SLC38A9: variants seen among roughly 807,000 people sequenced by gnomAD.
SLC38A9 encodes solute carrier family 38 member 9.
Under a neutral mutation model 62.3 loss-of-function variants are expected in SLC38A9, and 48 were observed. That is an observed-to-expected ratio of 0.77 (90% CI 0.61 to 0.98). SLC38A9 has a LOEUF of 0.98. SLC38A9 is among the 50% of genes least tolerant of loss of function. SLC38A9 has a pLI of 0.00. For synonymous variants in SLC38A9, 204 were observed against 227.7 expected, an observed-to-expected ratio of 0.90 and a Z score of 0.94; for missense variants, 541 against 679.8, an observed-to-expected ratio of 0.80 and a Z score of 2.27.
intron 3 of SLC38A9, among the ~76,000 whole-genome samples, chr5:55,676,927 T>C (rs1752184934): frequency 1.3e-5 from 2 of 152,216 alleles, no homozygotes; most frequent in African/African-American, 4.8e-5. Context: ...GATGGTTTTA[T>C]TGCTGAACAT....
At chr5:55,687,405 C>T (rs904343781) in intron 3 of SLC38A9, among the ~76,000 whole-genome samples, 1 of 106,084 alleles carries the variant, frequency 9.4e-6, no homozygotes, top group African/African-American at 3.8e-5. Context: ...CCCGCCTGGG[C>T]GACAGAACGA....
In SLC38A9 at chr5:55,669,308, G is replaced by A; in HGVS notation, c.446C>T (p.Thr149Ile). 1 of 1,612,066 alleles carries A rather than the reference G, an allele frequency of 6.2e-7. No homozygotes were observed. Among genetic ancestry groups the A allele is most frequent in the Non-Finnish European group, 8.5e-7 (1 of 1,179,186 alleles). The change falls in exon 7 of 16, where the codon ACT (threonine) becomes ATT (isoleucine). Residue 149 changes from threonine (T) to isoleucine (I), a missense_variant. Physicochemically the swap from Thr to Ile is moderately conservative, Grantham distance 89. Transcript: ENST00000396865. ...CATCAGTATGATGACACACATTCCA[G>A]TAGTAAATCCAGCCTGTTTAAAAAT... ...PWGIKQAGFT[T>I]GMCVIILMGL... is the part of the protein sequence containing the mutation.
At chr5:55,666,375 A>G (rs1365424866) in intron 7 of SLC38A9, among the ~76,000 whole-genome samples, 1 of 152,226 alleles carries the variant, frequency 6.6e-6, no homozygotes, top group African/African-American at 2.4e-5. Flanking sequence ...ATTGTCATCA[A>G]AGGATAATTT....
intron 2 of SLC38A9, among the ~76,000 whole-genome samples, chr5:55,698,850 T>C (rs1450424458): frequency 6.6e-6 from 1 of 151,890 alleles, no homozygotes; most frequent in African/African-American, 2.4e-5. Flanking sequence ...AGCGGGAGGA[T>C]TGCTTAAACC....
chr5:55,656,653 C>T, intron 9 of SLC38A9, 62 bp downstream of exon 9: 1 of 1,144,394 alleles, frequency 8.7e-7, no homozygotes, highest in South Asian at 1.3e-5. Context: ...CATGTTCTAC[C>T]TTAAATCCTT....
chr5:55,678,396 C>T (rs1954261271), intron 3 of SLC38A9, among the ~76,000 whole-genome samples: 1 of 152,130 alleles, frequency 6.6e-6, no homozygotes, highest in African/African-American at 2.4e-5. Context: ...CTTCACCTCC[C>T]AAAGTGCTGG....
At chr5:55,657,998 G>C (rs1050347851) in intron 8 of SLC38A9, 26 of 152,258 alleles carry the variant, frequency 1.7e-4, no homozygotes, top group African/African-American at 6.0e-4. Context: ...TTGACACGAA[G>C]TGTACTGGGT....
Position 55,697,654 on chromosome 5 carries a change from GAAAAA to G in SLC38A9, c.113+187_113+191del, listed in dbSNP as rs3042033. Among the ~76,000 whole-genome samples, 4 of 131,304 alleles carry G rather than the reference GAAAAA, an allele frequency of 3.0e-5. No homozygotes were observed. The South Asian group carries it at 7.1e-4, about 23-fold the overall frequency. 86.1% of individuals were successfully genotyped at this position (131,304 alleles called of 152,430 possible). A position where few individuals can be genotyped will look rare whatever the true frequency, so the allele number is the denominator to read the frequency against. ...CCCCAACAGAGATGTTGAGTTTAGTGAAAAAAAAAAAAAAAAAAAAATATAAACCA... is the reference window on the plus strand; with the variant it reads ...CCCCAACAGAGATGTTGAGTTTAGTGAAAAAAAAAAAAAAAATATAAACCA... On this transcript the variant is annotated intron_variant, in intron 3 of 15. Transcript: ENST00000396865.
At chr5:55,649,400 A>G in intron 10 of SLC38A9, 86 bp from the exon 11 acceptor site, 3 of 795,364 alleles carry the variant, frequency 3.8e-6, no homozygotes, top group Non-Finnish European at 5.7e-6. Flanking sequence ...CCATAGTCTC[A>G]GCAAAGTGTG....
chr5:55,651,988 A>G (rs1302902858), intron 10 of SLC38A9, among the ~76,000 whole-genome samples: 1 of 150,924 alleles, frequency 6.6e-6, no homozygotes, highest in African/African-American at 2.4e-5. Context: ...ACACACAACA[A>G]AACCAAAAAT....
intron 13 of SLC38A9, 155 bp downstream of exon 13, chr5:55,635,389 G>T: frequency 1.5e-6 from 1 of 680,152 alleles, no homozygotes; most frequent in Non-Finnish European, 2.7e-6. Flanking sequence ...GAAAGAAAAG[G>T]GAAGGTGCCT....
chr5:55,663,175 G>A (rs1054491168), intron 8 of SLC38A9, among the ~76,000 whole-genome samples: 1 of 151,500 alleles, frequency 6.6e-6, no homozygotes, highest in South Asian at 2.1e-4. Flanking sequence ...GATTACAGGC[G>A]TGGGCCACCG....
intron 2 of SLC38A9, among the ~76,000 whole-genome samples, chr5:55,703,701 A>T (rs974269256): frequency 4.6e-5 from 7 of 152,214 alleles, no homozygotes; most frequent in African/African-American, 1.7e-4. Flanking sequence ...TAAAACTAAA[A>T]GGCAGAATTT....
chr5:55,674,727 T>C (rs953607933), intron 3 of SLC38A9, among the ~76,000 whole-genome samples: 3 of 152,176 alleles, frequency 2.0e-5, no homozygotes, highest in Admixed American at 6.5e-5. Context: ...AATTAAGTGG[T>C]GTCAATATAT....
At chr5:55,654,609 T>TA (rs756041927) in intron 9 of SLC38A9, among the ~76,000 whole-genome samples, 3,661 of 128,960 alleles carry the variant, frequency 0.028, 45 homozygotes, top group African/African-American at 0.038. Context: ...TTGTCTCAAA[T>TA]AAAAAAAAAA....
At chr5:55,678,229 C>T (rs1406233934) in intron 3 of SLC38A9, among the ~76,000 whole-genome samples, 12 of 150,908 alleles carry the variant, frequency 8.0e-5, no homozygotes, top group African/African-American at 1.9e-4. Flanking sequence ...CCTCCACCTC[C>T]CGGGTTCAAG....
At chr5:55,667,087 CG>C (rs1360974819) in intron 7 of SLC38A9, among the ~76,000 whole-genome samples, 1 of 152,034 alleles carries the variant, frequency 6.6e-6, no homozygotes, top group Non-Finnish European at 1.5e-5. Flanking sequence ...TCCAGCTACT[CG>C]GGAGGCTGAG....
intron 15 of SLC38A9, 148 bp downstream of exon 15, chr5:55,627,743 T>G: frequency 1.9e-6 from 1 of 528,228 alleles, no homozygotes. Flanking sequence ...GCATCTTAAC[T>G]GATACCAAGG....
At position 55,652,374 on chromosome 5, in the gene SLC38A9, A is replaced by AAAAG. The variant is rs1239083234; in HGVS notation, c.952+151_952+154dup. Among the ~76,000 whole-genome samples, 167 of 150,488 alleles carry AAAAG rather than the reference A, an allele frequency of 1.1e-3. 1 individual carries two copies. The highest frequency in any genetic ancestry group is 3.9e-3 in the African/African-American group (161 of 41,058). On this transcript the variant is annotated intron_variant, in intron 10 of 15. Transcript: ENST00000396865. ...CTCCGTCTCAAAAAAAAAAAAAAAA[A>AAAAG]AAAGAAAGAAAGAAAGAACAAAACA...
Sources: gnomAD v4.1 joint callset for allele counts (sites outside exome capture counted in the v4.1 genomes callset) on GRCh38, gnomAD v4.1.1 for gene constraint, MANE v1.5 for transcripts, NCBI Gene and HGNC (gene_info 2026-07-23, HGNC 2026-07-21) for gene names.